The following CACNG3 variants were observed in gnomAD, a reference collection of about 807,000 sequenced individuals.
CACNG3 encodes the protein calcium voltage-gated channel auxiliary subunit gamma 3.
In CACNG3, 3 loss-of-function variants were observed where a neutral mutation model predicts 28.5. The observed-to-expected ratio is 0.11, with a 90% CI of 0.05 to 0.27. The LOEUF (loss-of-function observed/expected upper bound fraction) is 0.27. Among genes scored for constraint, CACNG3 ranks in the 10% least tolerant of loss-of-function variants. The probability of loss-of-function intolerance (pLI) is 1.00; values close to 1 mark genes in which losing one functional copy is unlikely to be tolerated. For missense variants in CACNG3, 236 were observed against 414.4 expected (o/e 0.57, Z 3.74); for synonymous variants, 174 against 162.2 (o/e 1.07, Z -0.55).
chr16:24,338,490 C>T (rs564850499), intron 1 of CACNG3, among the ~76,000 whole-genome samples: 4 of 152,004 alleles, frequency 2.6e-5, no homozygotes, highest in African/African-American at 4.8e-5. Flanking sequence ...ATTATAGGCA[C>T]GCACCATCAT....
chr16:24,327,536 T>A (rs1302430840), intron 1 of CACNG3, among the ~76,000 whole-genome samples: 46 of 146,328 alleles, frequency 3.1e-4, no homozygotes, highest in Middle Eastern at 3.5e-3. Flanking sequence ...GGGGGGATCG[T>A]TTGAGCTCAG....
chr16:24,263,925 A>G (rs1231949610), intron 1 of CACNG3, among the ~76,000 whole-genome samples: 1 of 152,186 alleles, frequency 6.6e-6, no homozygotes, highest in African/African-American at 2.4e-5. Flanking sequence ...TGTGGCTCCA[A>G]GAAGAATCAT....
chr16:24,305,982 G>A (rs1294089971), intron 1 of CACNG3, among the ~76,000 whole-genome samples: 1 of 152,046 alleles, frequency 6.6e-6, no homozygotes, highest in Non-Finnish European at 1.5e-5. Flanking sequence ...CTGTATATAT[G>A]GTATATACAC....
chr16:24,329,827 G>C (rs1048864654), intron 1 of CACNG3, among the ~76,000 whole-genome samples: 1 of 152,180 alleles, frequency 6.6e-6, no homozygotes, highest in Non-Finnish European at 1.5e-5. Flanking sequence ...TTGAGGTCAG[G>C]AGTTTGAGAC....
chr16:24,350,970 C>T (rs1181885252), intron 2 of CACNG3, among the ~76,000 whole-genome samples: 1 of 152,174 alleles, frequency 6.6e-6, no homozygotes, highest in African/African-American at 2.4e-5. Flanking sequence ...GCTACACTCA[C>T]TTACAGAACC....
In CACNG3 at chr16:24,256,736, C is replaced by G. The variant is rs775615485; in HGVS notation, c.-19C>G. 6.4e-7 allele frequency: 1 copy of G among 1,570,070 alleles called. No individual in the cohort carries two copies. ...TCTCCCCCTCCAACCCCCAGCCGTC[C>G]AGAGTACCATGAAGAATTATGAGGA... On this transcript the variant is annotated 5_prime_UTR_variant, in exon 1 of 4. Coordinates refer to ENST00000005284, the MANE Select transcript of CACNG3 (RefSeq NM_006539.4). This position sits in a 1 kb window ranked among gnomAD's most constrained non-coding sequence, Gnocchi z 4.6.
At chr16:24,306,063 G>A (rs781406247) in intron 1 of CACNG3, among the ~76,000 whole-genome samples, 17 of 152,058 alleles carry the variant, frequency 1.1e-4, no homozygotes, top group Non-Finnish European at 2.4e-4. Flanking sequence ...CACTTTTACC[G>A]GAAGTAGTTG....
intron 1 of CACNG3, among the ~76,000 whole-genome samples, chr16:24,263,675 T>A (rs887929112): frequency 6.6e-6 from 1 of 152,212 alleles, no homozygotes; most frequent in Non-Finnish European, 1.5e-5. Flanking sequence ...ACCTACCCTC[T>A]GAGTGCTAAT....
At chr16:24,344,929 G>A (rs11866165) in intron 1 of CACNG3, among the ~76,000 whole-genome samples, 49,105 of 151,878 alleles carry the variant, frequency 0.32, 8,521 homozygotes, top group South Asian at 0.52. Flanking sequence ...AATCAATTCC[G>A]TCACTCACCA....
chr16:24,276,613 T>C (rs1898756293), intron 1 of CACNG3, among the ~76,000 whole-genome samples: 1 of 152,204 alleles, frequency 6.6e-6, no homozygotes, highest in African/African-American at 2.4e-5. Context: ...CTTTTTGACT[T>C]CTCTTTAGTT....
chr16:24,267,375 C>T (rs1898626376), intron 1 of CACNG3, among the ~76,000 whole-genome samples: 1 of 152,044 alleles, frequency 6.6e-6, no homozygotes, highest in Non-Finnish European at 1.5e-5. Context: ...GCGGCCTCGA[C>T]CTCCTGGGCT....
At chr16:24,355,758 C>G in intron 3 of CACNG3, among the ~76,000 whole-genome samples, 1 of 152,164 alleles carries the variant, frequency 6.6e-6, no homozygotes, top group East Asian at 1.9e-4. Flanking sequence ...AATCAATACT[C>G]TGCCATCACC....
At chr16:24,276,416 G>T (rs1440068685) in intron 1 of CACNG3, among the ~76,000 whole-genome samples, 1 of 152,098 alleles carries the variant, frequency 6.6e-6, no homozygotes, top group South Asian at 2.1e-4. Context: ...AAGTGTAAAG[G>T]AGTCCTAAGA....
At chr16:24,326,402 C>A (rs1988474) in intron 1 of CACNG3, among the ~76,000 whole-genome samples, 97,727 of 151,976 alleles carry the variant, frequency 0.64, 32,304 homozygotes, top group South Asian at 0.74. Flanking sequence ...AATTCCCGAC[C>A]TCAGGTGATC....
intron 1 of CACNG3, among the ~76,000 whole-genome samples, chr16:24,297,996 T>C (rs397854593): frequency 2.6e-5 from 2 of 76,236 alleles, no homozygotes; most frequent in African/African-American, 1.2e-4. Flanking sequence ...TCTGTGTGTG[T>C]GTGTGTGTGT....
intron 1 of CACNG3, among the ~76,000 whole-genome samples, chr16:24,297,175 G>A (rs1026468910): frequency 4.6e-5 from 7 of 150,678 alleles, no homozygotes; most frequent in African/African-American, 1.7e-4. Context: ...TTGTGGCCAG[G>A]AATCTGAGGC....
intron 1 of CACNG3, among the ~76,000 whole-genome samples, chr16:24,269,595 A>G (rs1466086717): frequency 1.3e-5 from 2 of 151,964 alleles, no homozygotes; most frequent in Non-Finnish European, 2.9e-5. Context: ...AAAAATAGAA[A>G]AATTAGCCCA....
intron 1 of CACNG3, among the ~76,000 whole-genome samples, chr16:24,317,676 GAAA>G (rs1899396135): frequency 3.0e-5 from 3 of 99,842 alleles, no homozygotes; most frequent in African/African-American, 8.9e-5. Context: ...AAGAAAGAAA[GAAA>G]GAAAGAAAGA....
At chr16:24,310,795 C>T (rs970629020) in intron 1 of CACNG3, among the ~76,000 whole-genome samples, 2 of 152,118 alleles carry the variant, frequency 1.3e-5, no homozygotes, top group Admixed American at 1.3e-4. Context: ...GGATAGTCTG[C>T]CTCTAGAGTC....
Sources: allele counts gnomAD v4.1 joint callset (sites outside exome capture counted in the v4.1 genomes callset), GRCh38; gene constraint gnomAD v4.1.1; non-coding constraint Gnocchi (gnomAD v3.1); transcripts MANE v1.5; gene names NCBI Gene and HGNC (gene_info 2026-07-23, HGNC 2026-07-21).